Variants in LRRC4C observed in about 807,000 individuals in gnomAD.
LRRC4C encodes leucine-rich repeat-containing protein 4C.
Under a neutral mutation model 33.6 loss-of-function variants are expected in LRRC4C, and 5 were observed. The ratio of observed to expected loss-of-function variants is 0.15; its 90% CI spans 0.08 to 0.31. The LOEUF (loss-of-function observed/expected upper bound fraction) is 0.31. Among genes scored for constraint, LRRC4C ranks in the 10% least tolerant of loss-of-function variants. LRRC4C has a pLI of 1.00. For synonymous variants in LRRC4C, 329 were observed against 302.0 expected (o/e 1.09, Z -0.93); for missense variants, 560 against 796.7 (o/e 0.70, Z 3.58).
intron 1 of LRRC4C, among the ~76,000 whole-genome samples, chr11:41,019,008 G>C (rs1855776788): frequency 6.6e-6 from 1 of 152,030 alleles, no homozygotes; most frequent in Non-Finnish European, 1.5e-5. Flanking sequence ...AAATTGTCTA[G>C]TGCCCCTTTG....
At chr11:40,220,521 G>T (rs1864326516) in intron 5 of LRRC4C, among the ~76,000 whole-genome samples, 1 of 152,064 alleles carries the variant, frequency 6.6e-6, no homozygotes, top group Non-Finnish European at 1.5e-5. Flanking sequence ...GATTGACCTT[G>T]CAGAGTGCTT....
intron 1 of LRRC4C, among the ~76,000 whole-genome samples, chr11:41,186,476 A>C (rs1177715320): frequency 6.6e-6 from 1 of 152,242 alleles, no homozygotes; most frequent in Non-Finnish European, 1.5e-5. Context: ...GAATTTAGAA[A>C]AATTAAACTT....
chr11:40,483,076 T>C (rs1953671718), intron 3 of LRRC4C, among the ~76,000 whole-genome samples: 1 of 152,170 alleles, frequency 6.6e-6, no homozygotes, highest in South Asian at 2.1e-4. Flanking sequence ...AGCCACAACA[T>C]ATACAAGACT....
chr11:41,030,403 A>T (rs1225875509), intron 1 of LRRC4C, among the ~76,000 whole-genome samples: 1 of 151,836 alleles, frequency 6.6e-6, no homozygotes, highest in East Asian at 1.9e-4. Flanking sequence ...GATTATGTTC[A>T]GACCTGTATC....
intron 1 of LRRC4C, among the ~76,000 whole-genome samples, chr11:41,239,459 T>C (rs1043939534): frequency 6.6e-6 from 1 of 151,980 alleles, no homozygotes. Context: ...ATACACACAC[T>C]GCTGCAACTA....
intron 2 of LRRC4C, among the ~76,000 whole-genome samples, chr11:40,816,714 C>G (rs1430692548): frequency 6.6e-6 from 1 of 151,956 alleles, no homozygotes; most frequent in Non-Finnish European, 1.5e-5. Flanking sequence ...TTTTAGAGGG[C>G]CATTTAAATG....
chr11:41,381,035 C>T (rs895976263), intron 1 of LRRC4C, among the ~76,000 whole-genome samples: 5 of 152,208 alleles, frequency 3.3e-5, no homozygotes, highest in African/African-American at 9.6e-5. Context: ...GCTATCTGCA[C>T]GGTCTGAAAA....
chr11:40,799,760 C>A (rs1266045520), intron 2 of LRRC4C, among the ~76,000 whole-genome samples: 2 of 152,234 alleles, frequency 1.3e-5, no homozygotes, highest in Non-Finnish European at 2.9e-5. Context: ...TGAGCCACTA[C>A]ATCTGGTCGT....
At chr11:41,424,617 G>A (rs374366792) in intron 1 of LRRC4C, among the ~76,000 whole-genome samples, 68 of 152,158 alleles carry the variant, frequency 4.5e-4, no homozygotes, top group East Asian at 4.1e-3. Context: ...TACCAAGATG[G>A]AGTACATTGA....
intron 3 of LRRC4C, among the ~76,000 whole-genome samples, chr11:40,467,524 A>T (rs535411378): frequency 6.6e-6 from 1 of 152,200 alleles, no homozygotes; most frequent in South Asian, 2.1e-4. Flanking sequence ...AGCGCTGGAA[A>T]CCTAGGCAAA....
intron 2 of LRRC4C, among the ~76,000 whole-genome samples, chr11:40,877,804 C>A (rs1407559619): frequency 6.6e-6 from 1 of 152,198 alleles, no homozygotes; most frequent in Non-Finnish European, 1.5e-5. Flanking sequence ...CTTGTCTTTT[C>A]ATGCAGGGTG....
chr11:40,546,654 A>C (rs572061160), intron 3 of LRRC4C, among the ~76,000 whole-genome samples: 1 of 152,244 alleles, frequency 6.6e-6, no homozygotes, highest in South Asian at 2.1e-4. Flanking sequence ...TACTTGCTAA[A>C]ATGGAGAAAT....
At chr11:40,676,928 T>C (rs1198240970) in intron 2 of LRRC4C, among the ~76,000 whole-genome samples, 1 of 152,112 alleles carries the variant, frequency 6.6e-6, no homozygotes, top group African/African-American at 2.4e-5. Context: ...ATGTGGCACA[T>C]TAATGGACAA....
chr11:40,649,943 A>G (rs1942690690), intron 2 of LRRC4C, among the ~76,000 whole-genome samples: 2 of 152,222 alleles, frequency 1.3e-5, no homozygotes, highest in South Asian at 4.1e-4. Flanking sequence ...AAGTCCATTT[A>G]AACTGAATAC....
intron 1 of LRRC4C, among the ~76,000 whole-genome samples, chr11:41,013,910 C>T (rs544536228): frequency 6.6e-6 from 1 of 152,158 alleles, no homozygotes; most frequent in East Asian, 2.0e-4. Context: ...GTGCTACACA[C>T]TTTTAAACAA....
At chr11:40,975,630 A>G (rs547388213) in intron 1 of LRRC4C, among the ~76,000 whole-genome samples, 3 of 152,348 alleles carry the variant, frequency 2.0e-5, no homozygotes, top group East Asian at 1.9e-4. Context: ...GAATAATAAC[A>G]AAGTCCAATA....
chr11:40,549,199 A>G (rs773306019), intron 3 of LRRC4C, among the ~76,000 whole-genome samples: 24 of 152,146 alleles, frequency 1.6e-4, no homozygotes, highest in Admixed American at 5.2e-4. Context: ...TTTATAACCT[A>G]TCATTAGACA....
chr11:40,314,042 A>G (rs1945458326), intron 4 of LRRC4C, among the ~76,000 whole-genome samples: 2 of 152,110 alleles, frequency 1.3e-5, no homozygotes, highest in Non-Finnish European at 2.9e-5. Flanking sequence ...ACAGCCAAGG[A>G]AACAATGAAC....
chr11:40,199,234 C>A (rs1862510581), intron 5 of LRRC4C, among the ~76,000 whole-genome samples: 1 of 152,090 alleles, frequency 6.6e-6, no homozygotes, highest in Non-Finnish European at 1.5e-5. Context: ...CCACACCCGG[C>A]AGATTTTTGT....
Sources: gnomAD v4.1 joint callset for allele counts (sites outside exome capture counted in the v4.1 genomes callset) on GRCh38, gnomAD v4.1.1 for gene constraint, MANE v1.5 for transcripts, NCBI Gene and HGNC (gene_info 2026-07-23, HGNC 2026-07-21) for gene names.